The following HFM1 variants were observed in gnomAD, a reference collection of about 807,000 sequenced individuals.
HFM1 encodes the protein helicase for meiosis 1.
A neutral mutation model predicts 192.1 loss-of-function variants in HFM1; 169 were observed. The observed-to-expected ratio is 0.88, with a 90% CI of 0.78 to 1.00. The LOEUF (loss-of-function observed/expected upper bound fraction) is 1.00, where lower values mean the gene tolerates loss of function less well. HFM1 is among the 50% of genes least tolerant of loss of function. The probability of loss-of-function intolerance (pLI) is 0.00; values close to 1 mark genes in which losing one functional copy is unlikely to be tolerated. For missense variants in HFM1, 1,661 were observed against 1,668.0 expected (o/e 1.00, Z 0.07); for synonymous variants, 525 against 537.8 (o/e 0.98, Z 0.33).
In HFM1 at chr1:91,315,870, C is replaced by T; in HGVS notation, c.3085G>A (p.Val1029Ile). ...TKRTASDSHYVTLIIGDADNQ... is the reference protein window; with the variant it reads ...TKRTASDSHYITLIIGDADNQ... The stretch of plus-strand genomic sequence containing the variant: ...TCTGCGTCACCTATGATTAAGGTAA[C>T]ATAGTGAGAATCCGATGCTGTTCTT... Residue 1029 changes from valine to isoleucine, a missense_variant, in exon 28 of 39, where the codon GTT becomes ATT. By Grantham distance (29) the Val-to-Ile change is conservative. Coordinates refer to ENST00000370425, the MANE Select transcript of HFM1 (RefSeq NM_001017975.6). 1 of 1,611,240 alleles carries T rather than the reference C, an allele frequency of 6.2e-7. No homozygotes were observed. Among genetic ancestry groups the T allele is most frequent in the Non-Finnish European group, 8.5e-7 (1 of 1,177,848 alleles).
At chr1:91,367,496 T>A (rs12404606) in intron 13 of HFM1, among the ~76,000 whole-genome samples, 29,882 of 151,650 alleles carry the variant, frequency 0.2, 3,452 homozygotes, top group South Asian at 0.34. Flanking sequence ...GCAAACAGGG[T>A]CTGGAGTGGA....
intron 30 of HFM1, among the ~76,000 whole-genome samples, chr1:91,307,721 T>C (rs1444474478): frequency 3.9e-5 from 6 of 152,214 alleles, no homozygotes; most frequent in African/African-American, 1.4e-4. Context: ...CCCAAAGTGC[T>C]GGGATTATAG....
chr1:91,365,515 A>G (rs1453017579), intron 13 of HFM1, among the ~76,000 whole-genome samples: 1 of 152,218 alleles, frequency 6.6e-6, no homozygotes, highest in African/African-American at 2.4e-5. Flanking sequence ...AAACTAGGTG[A>G]AAAGACAAGA....
At chr1:91,328,338 G>A in intron 20 of HFM1, 2 of 1,514,720 alleles carry the variant, frequency 1.3e-6, no homozygotes, top group Admixed American at 4.2e-5. Context: ...TAGCCGCCGA[G>A]GCCTCGTGTC....
chr1:91,262,171 G>A (rs41286777), intron 38 of HFM1, 70 bp downstream of exon 38: 15,759 of 683,544 alleles, frequency 0.023, 232 homozygotes, highest in Non-Finnish European at 0.031. Context: ...AAAGGAAAAC[G>A]GAAGGCTGAA....
intron 20 of HFM1, among the ~76,000 whole-genome samples, chr1:91,339,927 G>A (rs1655105152): frequency 6.6e-6 from 1 of 152,080 alleles, no homozygotes; most frequent in African/African-American, 2.4e-5. Context: ...TACCTACAAA[G>A]GGAAACATAT....
chr1:91,348,914 A>G (rs1656541112), intron 18 of HFM1, among the ~76,000 whole-genome samples: 1 of 152,140 alleles, frequency 6.6e-6, no homozygotes, highest in Non-Finnish European at 1.5e-5. Context: ...ACAGAGTGAC[A>G]GCCTGTCTCA....
intron 4 of HFM1, among the ~76,000 whole-genome samples, chr1:91,389,482 G>A (rs1031591981): frequency 6.6e-6 from 1 of 151,966 alleles, no homozygotes; most frequent in Non-Finnish European, 1.5e-5. Flanking sequence ...AGGTCATGAG[G>A]GTACCTCCCC....
chr1:91,328,570 C>G (rs1295939916), intron 20 of HFM1: 30 of 1,610,814 alleles, frequency 1.9e-5, no homozygotes, highest in Non-Finnish European at 2.4e-5. Flanking sequence ...CACCAGCCAC[C>G]TGATAGGCAT....
intron 20 of HFM1, chr1:91,329,120 T>C (rs2101474918): frequency 6.2e-7 from 1 of 1,609,892 alleles, no homozygotes; most frequent in South Asian, 1.1e-5. Flanking sequence ...GGGCTGTGGA[T>C]CTAATCCAGA....
At chr1:91,276,051 T>C (rs1255748899) in intron 32 of HFM1, among the ~76,000 whole-genome samples, 1 of 152,050 alleles carries the variant, frequency 6.6e-6, no homozygotes, top group African/African-American at 2.4e-5. Flanking sequence ...TGAGAAAGAG[T>C]TTCTTTAAAG....
In HFM1 at chr1:91,273,861, T is replaced by C. The variant is rs781208471; in HGVS notation, c.3669-46A>G. ...GAAAATGTTAAAGAAAATATGGAAA[T>C]TAATCTAAGCCTGAAAACTATTTAT... On this transcript the variant is annotated intron_variant, in intron 33 of 38. Coordinates refer to ENST00000370425, the MANE Select transcript of HFM1 (RefSeq NM_001017975.6). 8.8e-6 allele frequency: 9 copies of C among 1,020,706 alleles called. No homozygotes were observed. In the Middle Eastern group the frequency reaches 9.0e-4, roughly 102 times the overall value. The allele number at this position is 1,020,706 out of a possible 1,614,324, so 63.2% of individuals were successfully genotyped here. A position where few individuals can be genotyped will look rare whatever the true frequency, so the allele number is the denominator to read the frequency against.
At chr1:91,356,293 G>C (rs531066896) in intron 13 of HFM1, among the ~76,000 whole-genome samples, 39 of 151,776 alleles carry the variant, frequency 2.6e-4, no homozygotes, top group African/African-American at 8.9e-4. Flanking sequence ...GCCTAGGCTG[G>C]AGTGCAATGG....
intron 23 of HFM1, among the ~76,000 whole-genome samples, chr1:91,320,778 G>A (rs1651973671): frequency 1.3e-5 from 2 of 152,066 alleles, no homozygotes; most frequent in African/African-American, 4.8e-5. Context: ...TCTTACCCCT[G>A]AGCTTGTCCT....
chr1:91,328,836 ACCTTGATGCAC>A, intron 20 of HFM1: 1 of 1,610,886 alleles, frequency 6.2e-7, no homozygotes, highest in South Asian at 1.1e-5. Context: ...GGCATCCCTT[ACCTTGATGCAC>A]CCATCGAGGC....
At chr1:91,323,309 T>C in intron 21 of HFM1, 110 bp from the exon 22 acceptor site, 1 of 676,420 alleles carries the variant, frequency 1.5e-6, no homozygotes. Context: ...CACAGTTTTA[T>C]CAATGAACAT....
chr1:91,348,830 GAGA>G (rs985994676), intron 18 of HFM1, among the ~76,000 whole-genome samples: 41 of 151,968 alleles, frequency 2.7e-4, no homozygotes, highest in Admixed American at 1.3e-4. Context: ...TGGCTGAGGT[GAGA>G]AGATCACTTG....
chr1:91,380,057 G>T (rs766667808), intron 8 of HFM1, 47 bp downstream of exon 8: 2 of 916,824 alleles, frequency 2.2e-6, no homozygotes, highest in Non-Finnish European at 3.1e-6. Context: ...TGCTTCAATG[G>T]TTTTTCATTA....
rs548845413 is a variant in HFM1 at position 91,402,374 on chromosome 1, C to T, written c.-27-1265G>A. Among the ~76,000 whole-genome samples, 12 of 152,122 alleles carry T rather than the reference C, an allele frequency of 7.9e-5. No individual in the cohort carries two copies. The South Asian group carries it at 1.9e-3, about 24-fold the overall frequency. The stretch of plus-strand genomic sequence containing the variant: ...ATATTGTGGGGTTTTTCACTGTTTT[C>T]GTTATTGGGTTCTTCCCCCTTCCAT... On this transcript the variant is annotated intron_variant, in intron 1 of 38. Transcript: ENST00000370425.
Sources: allele counts gnomAD v4.1 joint callset (sites outside exome capture counted in the v4.1 genomes callset), GRCh38; gene constraint gnomAD v4.1.1; transcripts MANE v1.5; gene names NCBI Gene and HGNC (gene_info 2026-07-23, HGNC 2026-07-21).